PDE3B: variants seen among roughly 807,000 people sequenced by gnomAD.
PDE3B encodes the protein cGMP-inhibited 3',5'-cyclic phosphodiesterase 3B.
In PDE3B, 66 loss-of-function variants were observed where a neutral mutation model predicts 116.8. The observed-to-expected ratio is 0.56, with a 90% CI of 0.46 to 0.69. The LOEUF (loss-of-function observed/expected upper bound fraction) is 0.69. Among genes scored for constraint, PDE3B ranks in the 30% least tolerant of loss-of-function variants. PDE3B has a pLI of 0.00. For synonymous variants in PDE3B, 595 were observed against 533.6 expected (o/e 1.12, Z -1.59); for missense variants, 1,384 against 1,368.1 (o/e 1.01, Z -0.18).
rs1018992157 is a variant in PDE3B at position 14,854,584 on chromosome 11, C to G, written c.2521-4459C>G. Among the ~76,000 whole-genome samples, 10 of 151,250 alleles carry G rather than the reference C, an allele frequency of 6.6e-5. No individual in the cohort carries two copies. In the East Asian group the frequency reaches 1.9e-3, roughly 29 times the overall value. On this transcript the variant is annotated intron_variant, in intron 12 of 15. Coordinates refer to ENST00000282096, the MANE Select transcript of PDE3B (RefSeq NM_000922.4). ...CCAGGCTGGAGTGCAGTGGCACGATCTTGGCTCACTGCAACCTCTGCCTCC... is the reference window on the plus strand; with the variant it reads ...CCAGGCTGGAGTGCAGTGGCACGATGTTGGCTCACTGCAACCTCTGCCTCC...
chr11:14,860,217 TTATC>T (rs1377346520), intron 13 of PDE3B, among the ~76,000 whole-genome samples: 1 of 152,180 alleles, frequency 6.6e-6, no homozygotes, highest in Non-Finnish European at 1.5e-5. Flanking sequence ...AGGTAAAAGA[TTATC>T]TAATACAATA....
chr11:14,841,259 C>T (rs1424444556), intron 11 of PDE3B, among the ~76,000 whole-genome samples: 1 of 151,078 alleles, frequency 6.6e-6, no homozygotes, highest in Non-Finnish European at 1.5e-5. Context: ...ATCAGCCCAC[C>T]CTGCAGATTT....
chr11:14,709,190 T>A (rs985922817), intron 1 of PDE3B, among the ~76,000 whole-genome samples: 5 of 152,098 alleles, frequency 3.3e-5, no homozygotes, highest in Admixed American at 3.3e-4. Flanking sequence ...TAAGAGAAAC[T>A]GGAAAGAATG....
At chr11:14,667,403 G>T (rs1206754155) in intron 1 of PDE3B, among the ~76,000 whole-genome samples, 3 of 151,292 alleles carry the variant, frequency 2.0e-5, no homozygotes, top group South Asian at 4.2e-4. Context: ...CCTGCACATT[G>T]TGCACATGTA....
At chr11:14,880,008 A>G in the PDE3B span, 3 of 899,364 alleles carry the variant, frequency 3.3e-6, no homozygotes. Flanking sequence ...TAACTATTAA[A>G]TATTTCTATA....
chr11:14,826,536 G>A (rs1388820536), intron 7 of PDE3B, among the ~76,000 whole-genome samples: 1 of 152,018 alleles, frequency 6.6e-6, no homozygotes, highest in African/African-American at 2.4e-5. Context: ...ATAAATTCCT[G>A]TACACATAAC....
intron 12 of PDE3B, among the ~76,000 whole-genome samples, chr11:14,848,084 C>T (rs1565163352): frequency 6.8e-6 from 1 of 147,756 alleles, no homozygotes; most frequent in South Asian, 2.2e-4. Flanking sequence ...ATGCAAAAAT[C>T]CTCAATAAAA....
chr11:14,711,287 C>G (rs988300959), intron 1 of PDE3B, among the ~76,000 whole-genome samples: 3 of 152,150 alleles, frequency 2.0e-5, no homozygotes, highest in Admixed American at 1.3e-4. Context: ...TCTTATATGA[C>G]TCTCAGATAG....
At position 14,644,655 on chromosome 11, in the gene PDE3B, G is replaced by C. The variant is rs776834973; in HGVS notation, c.580G>C (p.Ala194Pro). Residue 194 changes from alanine to proline, a missense_variant, in exon 1 of 16, where the codon GCG becomes CCG. Around this residue, in one of 2 missense-constraint regions of PDE3B, gnomAD observed 956 missense variants for 806.8 expected, o/e 1.18. Coordinates refer to ENST00000282096, the MANE Select transcript of PDE3B (RefSeq NM_000922.4). The part of the protein sequence containing the change: ...AAPHTPPEAA[A>P]GRLLLVLSCV... ...CCCGCACACGCCCCCGGAGGCGGCA[G>C]CGGGCAGGTTGCTGCTGGTGCTGAG... The C allele has an allele frequency of 6.7e-7, 1 of 1,500,410 alleles. No individual in the cohort carries two copies. The highest frequency in any genetic ancestry group is 1.3e-5 in the South Asian group (1 of 75,988). 92.9% of individuals were successfully genotyped at this position (1,500,410 alleles called of 1,614,324 possible). A position where few individuals can be genotyped will look rare whatever the true frequency, so the allele number is the denominator to read the frequency against.
chr11:14,723,655 G>A (rs1247423895), intron 1 of PDE3B, among the ~76,000 whole-genome samples: 1 of 152,042 alleles, frequency 6.6e-6, no homozygotes, highest in Non-Finnish European at 1.5e-5. Flanking sequence ...TAGCTACTCA[G>A]GAGGCTGAGG....
At chr11:14,842,460 G>C (rs904081808) in intron 11 of PDE3B, among the ~76,000 whole-genome samples, 5 of 151,774 alleles carry the variant, frequency 3.3e-5, no homozygotes, top group African/African-American at 1.2e-4. Context: ...GTATCACATA[G>C]GAAAATTCAA....
intron 7 of PDE3B, among the ~76,000 whole-genome samples, chr11:14,825,263 C>G (rs1434900209): frequency 6.6e-6 from 1 of 152,134 alleles, no homozygotes; most frequent in East Asian, 1.9e-4. Context: ...AGCACAATGA[C>G]AGGAACAAAT....
intron 1 of PDE3B, among the ~76,000 whole-genome samples, chr11:14,666,306 G>A (rs1353044192): frequency 1.3e-5 from 2 of 149,926 alleles, no homozygotes; most frequent in African/African-American, 2.5e-5. Context: ...AGACTTAAAC[G>A]TTAGACCTAA....
rs533435076 is a variant in PDE3B, at chr11:14,871,383, AAT to A, written c.*1732_*1733del. On this transcript the variant is annotated 3_prime_UTR_variant, in exon 16 of 16. Coordinates refer to ENST00000282096, the MANE Select transcript of PDE3B (RefSeq NM_000922.4). ...ACTGATAATTTATATTTGCACTTAC[AAT>A]ATATATATCCTGTCCTTATATTTCT... The A allele has an allele frequency of 6.6e-6, 1 of 152,094 alleles. No homozygotes were observed. The highest frequency in any genetic ancestry group is 1.5e-5 in the Non-Finnish European group (1 of 67,988). 9.4% of individuals were successfully genotyped at this position (152,094 alleles called of 1,614,324 possible). A position where few individuals can be genotyped will look rare whatever the true frequency, so the allele number is the denominator to read the frequency against.
chr11:14,842,076 A>G (rs1847484092), intron 11 of PDE3B, among the ~76,000 whole-genome samples: 1 of 152,036 alleles, frequency 6.6e-6, no homozygotes, highest in African/African-American at 2.4e-5. Context: ...TATTAGTTCT[A>G]ATAGTTTTTC....
intron 1 of PDE3B, among the ~76,000 whole-genome samples, chr11:14,726,393 A>T (rs1350521995): frequency 6.6e-6 from 1 of 152,182 alleles, no homozygotes; most frequent in Non-Finnish European, 1.5e-5. Flanking sequence ...TGTGGGTTCC[A>T]TAAACATTTT....
At chr11:14,773,046 T>G (rs1161137412) in intron 2 of PDE3B, 1 of 152,030 alleles carries the variant, frequency 6.6e-6, no homozygotes, top group Admixed American at 6.6e-5. Context: ...TTTTTCTTCA[T>G]GAACTCAGGG....
intron 1 of PDE3B, among the ~76,000 whole-genome samples, chr11:14,735,896 A>G (rs146917506): frequency 8.3e-4 from 126 of 152,202 alleles, no homozygotes; most frequent in Admixed American, 1.7e-3. Flanking sequence ...ACAGTGAGGA[A>G]GAGAACACGG....
intron 1 of PDE3B, among the ~76,000 whole-genome samples, chr11:14,663,404 C>T (rs11023298): frequency 0.35 from 53,018 of 151,282 alleles, 10,558 homozygotes; most frequent in South Asian, 0.46. Context: ...CATCAACTAA[C>T]GAGCAAAATA....
Sources: allele counts gnomAD v4.1 joint callset (sites outside exome capture counted in the v4.1 genomes callset), GRCh38; gene constraint gnomAD v4.1.1; regional missense constraint gnomAD v4.1.1; transcripts MANE v1.5; gene names NCBI Gene and HGNC (gene_info 2026-07-23, HGNC 2026-07-21).